The following FHDC1 variants were observed in gnomAD, a reference collection of about 807,000 sequenced individuals.
FHDC1 encodes the protein FH2 domain-containing protein 1.
In FHDC1, 25 loss-of-function variants were observed where a neutral mutation model predicts 52.6. That is an observed-to-expected ratio of 0.48 (90% CI 0.35 to 0.66). FHDC1 has a LOEUF of 0.66. Ranked by LOEUF, FHDC1 falls within the 30% of genes least tolerant of loss-of-function variation. FHDC1 has a pLI of 0.01. For missense variants in FHDC1, 1,459 were observed against 1,452.8 expected (o/e 1.00, Z -0.07); for synonymous variants, 616 against 581.5 (o/e 1.06, Z -0.85).
At chr4:152,974,455 T>C (rs1254361445) in intron 11 of FHDC1, among the ~76,000 whole-genome samples, 1 of 152,040 alleles carries the variant, frequency 6.6e-6, no homozygotes, top group African/African-American at 2.4e-5. Flanking sequence ...CTCAGATCCC[T>C]AGTAGCTTTG....
chr4:152,968,993 C>A (rs1369966972), intron 10 of FHDC1, among the ~76,000 whole-genome samples: 1 of 151,470 alleles, frequency 6.6e-6, no homozygotes, highest in Admixed American at 6.6e-5. Flanking sequence ...CTCCAAATAA[C>A]ATCAACAAAA....
At chr4:152,950,150 T>C (rs1739880086) in intron 2 of FHDC1, among the ~76,000 whole-genome samples, 1 of 152,202 alleles carries the variant, frequency 6.6e-6, no homozygotes, top group Admixed American at 6.5e-5. Flanking sequence ...CATGTGCAGA[T>C]TCCACTGCTC....
At chr4:152,967,689 G>A (rs1253281166) in intron 9 of FHDC1, among the ~76,000 whole-genome samples, 2 of 152,208 alleles carry the variant, frequency 1.3e-5, no homozygotes, top group East Asian at 3.9e-4. Flanking sequence ...GCATAAAGGT[G>A]TTCAGAGCTA....
chr4:152,936,581 G>A (rs867021723), intron 1 of FHDC1, among the ~76,000 whole-genome samples, 172 bp downstream of exon 1: 25 of 152,110 alleles, frequency 1.6e-4, no homozygotes, highest in Non-Finnish European at 1.9e-4. Context: ...GAGCCTCACC[G>A]GGAAAGCTGG....
At chr4:152,962,986 T>TATAC in intron 7 of FHDC1, 37 bp from the exon 8 acceptor site, 1 of 1,574,004 alleles carries the variant, frequency 6.4e-7, no homozygotes, top group South Asian at 1.1e-5. Flanking sequence ...TGTGTGTATG[T>TATAC]ATACATAATT....
intron 2 of FHDC1, among the ~76,000 whole-genome samples, chr4:152,949,415 G>A (rs1198886577): frequency 6.6e-6 from 1 of 152,064 alleles, no homozygotes; most frequent in Non-Finnish European, 1.5e-5. Context: ...AGGAGTTTGA[G>A]GCTGCAGTGA....
chr4:152,960,804 T>C lies in FHDC1; in HGVS notation c.810T>C (p.Ser270=), dbSNP rs1448762856. 1.2e-6 allele frequency: 2 copies of C among 1,612,288 alleles called. No individual in the cohort carries two copies. The highest frequency in any genetic ancestry group is 3.3e-5 in the Admixed American group (2 of 59,788). ...AGGAATTTCTACCTTCTTGCTCTTC[T>C]CTATATACAGATATAACAGTTTTAA... ...LKKEFLPSCS[S]LYTDITVLRT... The change falls in exon 6 of 12, where the codon TCT becomes TCC. Residue 270 remains serine (S), a synonymous_variant. Transcript: ENST00000511601.
At chr4:152,967,121 A>AAAT (rs754421108) in intron 9 of FHDC1, among the ~76,000 whole-genome samples, 9 of 151,698 alleles carry the variant, frequency 5.9e-5, no homozygotes, top group East Asian at 2.0e-4. Context: ...CTGTCTCTTT[A>AAAT]AATAATAATA....
chr4:152,930,335 A>G, the FHDC1 span, among the ~76,000 whole-genome samples: 6 of 152,340 alleles, frequency 3.9e-5, no homozygotes, highest in East Asian at 3.9e-4. Flanking sequence ...CTTTTTTACT[A>G]TCTCATTTAC....
At chr4:152,959,758 G>A (rs564148424) in intron 4 of FHDC1, among the ~76,000 whole-genome samples, 1 of 152,194 alleles carries the variant, frequency 6.6e-6, no homozygotes, top group African/African-American at 2.4e-5. Flanking sequence ...AGGATTGGAG[G>A]TTAATAGATA....
At chr4:152,964,105 T>G (rs1390736637) in intron 8 of FHDC1, among the ~76,000 whole-genome samples, 1 of 152,144 alleles carries the variant, frequency 6.6e-6, no homozygotes, top group Non-Finnish European at 1.5e-5. Context: ...TTTCTTCATC[T>G]AATGGTGAGA....
intron 4 of FHDC1, among the ~76,000 whole-genome samples, chr4:152,954,735 G>T (rs1405315145): frequency 6.6e-6 from 1 of 152,060 alleles, no homozygotes; most frequent in Non-Finnish European, 1.5e-5. Flanking sequence ...CACATGGGAA[G>T]GGCACTCTCC....
Position 152,943,243 on chromosome 4 carries a change from A to ACCT in FHDC1, c.188_189insTCC (p.Pro65dup). On this transcript the variant is annotated inframe_insertion, in exon 2 of 12. Coordinates refer to ENST00000511601, the MANE Select transcript of FHDC1 (RefSeq NM_001371116.1). ...GTCCTTCCTCCCCTCCTCCACCCCC[A>ACCT]CCACCTCCACTTCCTGGGGAGCCTC... 2 of 678,632 alleles carry ACCT rather than the reference A, an allele frequency of 2.9e-6. No homozygotes were observed. Among genetic ancestry groups the ACCT allele is most frequent in the Non-Finnish European group, 4.0e-6 (2 of 497,396 alleles). 42.0% of individuals were successfully genotyped at this position (678,632 alleles called of 1,614,324 possible). A position where few individuals can be genotyped will look rare whatever the true frequency, so the allele number is the denominator to read the frequency against.
chr4:152,954,369 C>A, intron 4 of FHDC1, 50 bp downstream of exon 4: 2 of 1,495,716 alleles, frequency 1.3e-6, no homozygotes, highest in Non-Finnish European at 1.9e-6. Context: ...ATCATAAAAG[C>A]TTAATATTTT....
rs1191377435 is a variant in FHDC1 at position 152,972,402 on chromosome 4, T to C, written c.1244T>C (p.Leu415Pro). 2.5e-6 allele frequency: 4 copies of C among 1,603,128 alleles called. No homozygotes were observed. The highest frequency in any genetic ancestry group is 3.4e-6 in the Non-Finnish European group (4 of 1,177,428). The change falls in exon 11 of 12, where the codon CTG becomes CCG. Residue 415 changes from leucine to proline, a missense_variant. By Grantham distance (98) the Leu-to-Pro change is moderately conservative. This residue lies in a region of FHDC1 where 513 missense variants were observed against 581.5 expected (regional missense o/e 0.88). Coordinates refer to ENST00000511601, the MANE Select transcript of FHDC1 (RefSeq NM_001371116.1). Reference protein sequence around the residue: ...LQFAIEKLRELECWKQELQDE... With the variant: ...LQFAIEKLREPECWKQELQDE... ...TTTGCCATAGAAAAGCTGAGGGAAC[T>C]GGAATGCTGGAAACAAGAGCTCCAG...
chr4:152,947,594 T>C (rs1739773238), intron 2 of FHDC1, among the ~76,000 whole-genome samples: 1 of 152,142 alleles, frequency 6.6e-6, no homozygotes, highest in Non-Finnish European at 1.5e-5. Context: ...CCATTTGGTA[T>C]CCTCTAAAGG....
At chr4:152,973,676 C>T (rs1740746410) in intron 11 of FHDC1, among the ~76,000 whole-genome samples, 1 of 152,202 alleles carries the variant, frequency 6.6e-6, no homozygotes, top group Admixed American at 6.5e-5. Context: ...GCAGGCGGAG[C>T]CAAGAGTCCC....
At chr4:152,964,669 C>T (rs1384967121) in intron 8 of FHDC1, among the ~76,000 whole-genome samples, 1 of 152,182 alleles carries the variant, frequency 6.6e-6, no homozygotes, top group Non-Finnish European at 1.5e-5. Flanking sequence ...GCCAAATGCT[C>T]ATTAATTGTA....
At chr4:152,971,793 G>A (rs951694467) in intron 10 of FHDC1, among the ~76,000 whole-genome samples, 1 of 152,200 alleles carries the variant, frequency 6.6e-6, no homozygotes, top group African/African-American at 2.4e-5. Flanking sequence ...ATACAGGCAT[G>A]GCCTGTTGCC....
Sources: allele counts gnomAD v4.1 joint callset (sites outside exome capture counted in the v4.1 genomes callset), GRCh38; gene constraint gnomAD v4.1.1; regional missense constraint gnomAD v4.1.1; transcripts MANE v1.5; gene names NCBI Gene and HGNC (gene_info 2026-07-23, HGNC 2026-07-21).